DLGAP1: variants seen among roughly 807,000 people sequenced by gnomAD.
DLGAP1 encodes the protein disks large-associated protein 1.
DLGAP1 carries 11 observed loss-of-function variants against 90.8 expected under a neutral mutation model. That is an observed-to-expected ratio of 0.12 (90% CI 0.08 to 0.20). The LOEUF is 0.20. DLGAP1 is among the 10% of genes least tolerant of loss of function. DLGAP1 has a pLI of 1.00. For missense variants in DLGAP1, 1,050 were observed against 1,333.8 expected (o/e 0.79, Z 3.31); for synonymous variants, 558 against 540.7 (o/e 1.03, Z -0.44).
At chr18:3,843,297 C>T (rs2068821939) in intron 4 of DLGAP1, among the ~76,000 whole-genome samples, 2 of 152,144 alleles carry the variant, frequency 1.3e-5, no homozygotes, top group African/African-American at 4.8e-5. Context: ...ATGGGTTGAC[C>T]ACTACAGACA....
At chr18:3,675,379 T>C (rs1456217751) in intron 7 of DLGAP1, among the ~76,000 whole-genome samples, 1 of 152,144 alleles carries the variant, frequency 6.6e-6, no homozygotes, top group Non-Finnish European at 1.5e-5. Flanking sequence ...CCAGCCAGGG[T>C]TAGCTGTTCT....
intron 1 of DLGAP1, chr18:4,294,883 T>C (rs146893559): frequency 6.6e-6 from 1 of 152,406 alleles, no homozygotes; most frequent in Non-Finnish European, 1.5e-5. Flanking sequence ...CCCTGGAGCT[T>C]GGCCATCCAC....
At chr18:3,739,019 G>GA (rs1390295631) in intron 6 of DLGAP1, among the ~76,000 whole-genome samples, 2 of 149,978 alleles carry the variant, frequency 1.3e-5, no homozygotes, top group Non-Finnish European at 3.0e-5. Context: ...AAAAACACAT[G>GA]AAAAAATGCT....
At chr18:3,648,017 A>C (rs928977868) in intron 7 of DLGAP1, among the ~76,000 whole-genome samples, 1 of 152,252 alleles carries the variant, frequency 6.6e-6, no homozygotes, top group South Asian at 2.1e-4. Context: ...TAGAAGGCTA[A>C]AAAGGAAATT....
intron 3 of DLGAP1, among the ~76,000 whole-genome samples, chr18:3,890,523 G>A (rs2071432218): frequency 6.6e-6 from 1 of 152,106 alleles, no homozygotes; most frequent in African/African-American, 2.4e-5. Flanking sequence ...GCCTTATTCT[G>A]ACTCTTCACA....
intron 1 of DLGAP1, among the ~76,000 whole-genome samples, chr18:4,325,271 T>C (rs561240474): frequency 4.0e-4 from 61 of 151,998 alleles, no homozygotes; most frequent in Non-Finnish European, 7.7e-4. Context: ...TGTCACAAAA[T>C]GAATAAAATA....
intron 7 of DLGAP1, among the ~76,000 whole-genome samples, chr18:3,668,424 C>T (rs1163757577): frequency 6.6e-6 from 1 of 152,118 alleles, no homozygotes; most frequent in African/African-American, 2.4e-5. Context: ...GTGATCCTCC[C>T]CCCTCAGCCT....
intron 3 of DLGAP1, among the ~76,000 whole-genome samples, chr18:3,931,861 C>T (rs1437609147): frequency 1.3e-5 from 2 of 152,108 alleles, no homozygotes; most frequent in Non-Finnish European, 2.9e-5. Context: ...TTTGGGAGTT[C>T]ACATTTGACT....
At chr18:4,311,492 A>G (rs898431856) in intron 1 of DLGAP1, among the ~76,000 whole-genome samples, 1 of 152,182 alleles carries the variant, frequency 6.6e-6, no homozygotes, top group Non-Finnish European at 1.5e-5. Context: ...GGTTTTTAAT[A>G]TCTTTTAGTA....
intron 7 of DLGAP1, chr18:3,596,967 C>T: frequency 1.9e-6 from 1 of 520,068 alleles, no homozygotes. Context: ...CACCCGATGT[C>T]CCCCATTCTC....
intron 7 of DLGAP1, among the ~76,000 whole-genome samples, chr18:3,673,408 G>A (rs930560038): frequency 2.6e-5 from 4 of 152,240 alleles, no homozygotes; most frequent in East Asian, 1.9e-4. Context: ...ATTGGTTATC[G>A]TGTACTGTCA....
chr18:3,580,656 G>A, intron 8 of DLGAP1: 1 of 1,607,316 alleles, frequency 6.2e-7, no homozygotes, highest in East Asian at 2.2e-5. Flanking sequence ...GAGGCGAGGA[G>A]ATTGCTGGGC....
intron 1 of DLGAP1, among the ~76,000 whole-genome samples, chr18:4,414,173 G>C (rs2082840886): frequency 8.6e-6 from 1 of 116,818 alleles, no homozygotes; most frequent in Non-Finnish European, 1.8e-5. Flanking sequence ...TGCTAAAATA[G>C]AATACAAACA....
At chr18:3,544,711 T>C (rs2052908905) in intron 9 of DLGAP1, among the ~76,000 whole-genome samples, 2 of 141,034 alleles carry the variant, frequency 1.4e-5, no homozygotes, top group African/African-American at 2.6e-5. Flanking sequence ...AAAAAATGTG[T>C]ACTTTGCTTT....
At chr18:3,671,117 C>T (rs2060073623) in intron 7 of DLGAP1, among the ~76,000 whole-genome samples, 1 of 151,904 alleles carries the variant, frequency 6.6e-6, no homozygotes, top group South Asian at 2.1e-4. Flanking sequence ...GTTCCAGTCA[C>T]TCTAGCCTTC....
At chr18:4,036,441 T>A (rs563588309) in intron 2 of DLGAP1, among the ~76,000 whole-genome samples, 1 of 152,316 alleles carries the variant, frequency 6.6e-6, no homozygotes, top group African/African-American at 2.4e-5. Context: ...TTTGGCATAG[T>A]GGTCCCTTCC....
chr18:4,169,578 TC>T (rs2076990116), intron 1 of DLGAP1, among the ~76,000 whole-genome samples: 1 of 152,186 alleles, frequency 6.6e-6, no homozygotes, highest in African/African-American at 2.4e-5. Flanking sequence ...CCCAGCTCCC[TC>T]AATGCTCCGA....
At chr18:4,376,651 T>G (rs2082019546) in intron 1 of DLGAP1, among the ~76,000 whole-genome samples, 1 of 152,186 alleles carries the variant, frequency 6.6e-6, no homozygotes, top group Admixed American at 6.6e-5. Context: ...TGGCCTTCAG[T>G]CTTAAAAGAA....
At chr18:4,447,802 G>A (rs1191155844) in intron 1 of DLGAP1, among the ~76,000 whole-genome samples, 3 of 152,078 alleles carry the variant, frequency 2.0e-5, no homozygotes, top group Non-Finnish European at 2.9e-5. Flanking sequence ...AATAATGTAA[G>A]CCTCACTAAA....
Sources: allele counts gnomAD v4.1 joint callset (sites outside exome capture counted in the v4.1 genomes callset), GRCh38; gene constraint gnomAD v4.1.1; transcripts MANE v1.5; gene names NCBI Gene and HGNC (gene_info 2026-07-23, HGNC 2026-07-21).